The following RNF180 variants were observed in gnomAD, a reference collection of about 807,000 sequenced individuals.
The protein encoded by RNF180 is E3 ubiquitin-protein ligase RNF180.
Under a neutral mutation model 59.2 loss-of-function variants are expected in RNF180, and 38 were observed. The ratio of observed to expected loss-of-function variants is 0.64; its 90% CI spans 0.50 to 0.84. RNF180 has a LOEUF of 0.84. Ranked by LOEUF, RNF180 falls within the 40% of genes least tolerant of loss-of-function variation. The probability of loss-of-function intolerance (pLI) is 0.00; values close to 1 mark genes in which losing one functional copy is unlikely to be tolerated. For synonymous variants in RNF180, 262 were observed against 240.3 expected (o/e 1.09, Z -0.84); for missense variants, 705 against 700.9 (o/e 1.01, Z -0.07).
At chr5:64,346,322 C>T (rs1226889770) in intron 7 of RNF180, among the ~76,000 whole-genome samples, 1 of 146,746 alleles carries the variant, frequency 6.8e-6, no homozygotes, top group Non-Finnish European at 1.5e-5. Context: ...AAAACAATTC[C>T]GGCTACTAGT....
chr5:64,319,312 T>G lies in RNF180; in HGVS notation c.1228-5874T>G, dbSNP rs531695837. ...CAATAAAGATTATTCTTTATTTCAT[T>G]TAAAAAAATAATTTCTATAGAAGAC... On this transcript the variant is annotated intron_variant, in intron 5 of 7. Coordinates refer to ENST00000389100, the MANE Select transcript of RNF180 (RefSeq NM_001113561.2). Among the ~76,000 whole-genome samples, 4 of 152,290 alleles carry G rather than the reference T, an allele frequency of 2.6e-5. No individual in the cohort carries two copies. In the East Asian group the frequency reaches 7.7e-4, roughly 29 times the overall value.
intron 7 of RNF180, among the ~76,000 whole-genome samples, chr5:64,346,544 ATT>A (rs1659731930): frequency 6.6e-6 from 1 of 151,292 alleles, no homozygotes; most frequent in South Asian, 2.1e-4. Context: ...TAATCTTTGT[ATT>A]TCTAGTAGAG....
intron 5 of RNF180, among the ~76,000 whole-genome samples, chr5:64,281,346 G>T (rs1191830222): frequency 6.6e-6 from 1 of 152,172 alleles, no homozygotes; most frequent in Non-Finnish European, 1.5e-5. Context: ...TGTTGACTAG[G>T]CATGATGAGA....
chr5:64,236,987 G>A (rs748282442), intron 5 of RNF180, among the ~76,000 whole-genome samples: 20 of 152,166 alleles, frequency 1.3e-4, no homozygotes, highest in Non-Finnish European at 2.5e-4. Context: ...TAGCCCCCAT[G>A]GAGAACCTCT....
rs1182896120 is a variant in RNF180, at chr5:64,205,616, G to T, written c.135+4674G>T. The stretch of plus-strand genomic sequence containing the variant: ...AGGCTGCTCGGTTCTATGGATGTGG[G>T]ATTCAGAAGAGAGATCTGAACTAAA... On this transcript the variant is annotated intron_variant, in intron 2 of 7. Coordinates refer to ENST00000389100, the MANE Select transcript of RNF180 (RefSeq NM_001113561.2). Among the ~76,000 whole-genome samples, 3 of 152,244 alleles carry T rather than the reference G, an allele frequency of 2.0e-5. No individual in the cohort carries two copies. In the East Asian group the frequency reaches 5.8e-4, roughly 29 times the overall value.
intron 4 of RNF180, among the ~76,000 whole-genome samples, chr5:64,216,819 A>G (rs1337714104): frequency 6.6e-6 from 1 of 152,178 alleles, no homozygotes; most frequent in Non-Finnish European, 1.5e-5. Context: ...TATCCAGCAT[A>G]GTCCTTTTGT....
At chr5:64,300,063 C>T (rs553658856) in intron 5 of RNF180, among the ~76,000 whole-genome samples, 2 of 151,704 alleles carry the variant, frequency 1.3e-5, no homozygotes, top group South Asian at 4.2e-4. Context: ...TCAGGTAACC[C>T]TTATTTTACT....
chr5:64,226,558 A>G (rs996412563), intron 5 of RNF180, among the ~76,000 whole-genome samples: 1 of 152,148 alleles, frequency 6.6e-6, no homozygotes, highest in East Asian at 1.9e-4. Flanking sequence ...TAGGAAAACC[A>G]GAGACCTTTG....
intron 5 of RNF180, among the ~76,000 whole-genome samples, chr5:64,285,169 C>T (rs1352991951): frequency 6.6e-6 from 1 of 152,162 alleles, no homozygotes; most frequent in Non-Finnish European, 1.5e-5. Context: ...TTTCTGGTCC[C>T]TAGTGTTTAA....
chr5:64,169,110 A>G (rs979578741), intron 1 of RNF180, among the ~76,000 whole-genome samples: 1 of 152,152 alleles, frequency 6.6e-6, no homozygotes. Context: ...TTCAGGAAAA[A>G]CTAGTTTGGT....
At chr5:64,206,237 C>T (rs1752011104) in intron 2 of RNF180, among the ~76,000 whole-genome samples, 1 of 152,136 alleles carries the variant, frequency 6.6e-6, no homozygotes, top group Non-Finnish European at 1.5e-5. Flanking sequence ...GGGGCAGTTA[C>T]CAAATTCTAC....
chr5:64,360,245 T>C (rs1312581278), intron 7 of RNF180, among the ~76,000 whole-genome samples: 1 of 151,938 alleles, frequency 6.6e-6, no homozygotes, highest in African/African-American at 2.4e-5. Flanking sequence ...ATTTTCACAA[T>C]ATTGATTCTT....
chr5:64,372,169 C>T lies in RNF180; in HGVS notation c.*2355C>T, dbSNP rs1746678996. On this transcript the variant is annotated 3_prime_UTR_variant, in exon 8 of 8. Coordinates refer to ENST00000389100, the MANE Select transcript of RNF180 (RefSeq NM_001113561.2). ...AATTATGGTAAAGGTTAATTTTAAACATGTTCACACATTCTTTTTTAAAAA... is the reference window on the plus strand; with the variant it reads ...AATTATGGTAAAGGTTAATTTTAAATATGTTCACACATTCTTTTTTAAAAA... 6.6e-6 allele frequency: 1 copy of T among 151,620 alleles called. No individual in the cohort carries two copies. Among genetic ancestry groups the T allele is most frequent in the African/African-American group, 2.4e-5 (1 of 41,332 alleles). 9.4% of individuals were successfully genotyped at this position (151,620 alleles called of 1,614,324 possible).
At position 64,268,093 on chromosome 5, in the gene RNF180, A is replaced by C. The variant is rs557452692; in HGVS notation, c.1227+50697A>C. Reference sequence around the variant, plus strand: ...TTGAAACATGATTACAAATCTATTGACCATAAATATATCTGTCTTCTTTAT... The same window carrying C: ...TTGAAACATGATTACAAATCTATTGCCCATAAATATATCTGTCTTCTTTAT... On this transcript the variant is annotated intron_variant, in intron 5 of 7. Transcript: ENST00000389100. Among the ~76,000 whole-genome samples the C allele has an allele frequency of 5.3e-5, 8 of 152,286 alleles. No individual in the cohort carries two copies. The South Asian group carries it at 1.7e-3, about 32-fold the overall frequency.
intron 5 of RNF180, among the ~76,000 whole-genome samples, chr5:64,318,813 A>G (rs925699796): frequency 6.6e-6 from 1 of 152,222 alleles, no homozygotes; most frequent in African/African-American, 2.4e-5. Context: ...TTTATTTAGA[A>G]AATGAAGCAA....
intron 7 of RNF180, among the ~76,000 whole-genome samples, chr5:64,333,399 A>G (rs1360112552): frequency 6.6e-6 from 1 of 151,214 alleles, no homozygotes; most frequent in East Asian, 1.9e-4. Flanking sequence ...ATAATGAATG[A>G]CCTCAGGTGA....
At chr5:64,203,084 T>C (rs915214710) in intron 2 of RNF180, among the ~76,000 whole-genome samples, 1 of 152,214 alleles carries the variant, frequency 6.6e-6, no homozygotes, top group Non-Finnish European at 1.5e-5. Context: ...AAAACATATT[T>C]AATGACCTAG....
intron 5 of RNF180, among the ~76,000 whole-genome samples, chr5:64,297,573 C>G (rs1228002050): frequency 6.6e-6 from 1 of 151,916 alleles, no homozygotes; most frequent in Non-Finnish European, 1.5e-5. Context: ...CTACAATTAC[C>G]ATGATACCAA....
At chr5:64,198,630 C>T (rs1751573496) in intron 1 of RNF180, among the ~76,000 whole-genome samples, 1 of 152,054 alleles carries the variant, frequency 6.6e-6, no homozygotes, top group African/African-American at 2.4e-5. Context: ...TAGAGTTTCT[C>T]CATACTTGAT....
Sources: allele counts gnomAD v4.1 joint callset (sites outside exome capture counted in the v4.1 genomes callset), GRCh38; gene constraint gnomAD v4.1.1; transcripts MANE v1.5; gene names NCBI Gene and HGNC (gene_info 2026-07-23, HGNC 2026-07-21).